ADCY8: variants seen among roughly 807,000 people sequenced by gnomAD.
ADCY8 encodes adenylate cyclase type 8.
A neutral mutation model predicts 119.7 loss-of-function variants in ADCY8; 51 were observed. The observed-to-expected ratio is 0.43, with a 90% confidence interval of 0.34 to 0.54. The LOEUF (loss-of-function observed/expected upper bound fraction) is 0.54, where lower values mean the gene tolerates loss of function less well. Among genes scored for constraint, ADCY8 ranks in the 20% least tolerant of loss-of-function variants. ADCY8 has a pLI of 0.03. For missense variants in ADCY8, 1,383 were observed against 1,598.8 expected, an observed-to-expected ratio of 0.87 and a Z score of 2.30; for synonymous variants, 665 against 651.0, an observed-to-expected ratio of 1.02 and a Z score of -0.33.
chr8:131,039,410 C>A lies in ADCY8; in HGVS notation c.924G>T (p.Val308=), dbSNP rs766665830. 9 of 1,613,986 alleles carry A rather than the reference C, an allele frequency of 5.6e-6. No homozygotes were observed. Among genetic ancestry groups the A allele is most frequent in the Non-Finnish European group, 6.8e-6 (8 of 1,180,016 alleles). The change falls in exon 1 of 18, where the codon GTG becomes GTT. Residue 308 remains valine (V), a synonymous_variant. Transcript: ENST00000286355. Reference sequence around the variant, plus strand: ...AAATGACCGCCAGCCGGGGTATGACCACTTGGAGGATGACCTGCAGCAGCG... The same window carrying A: ...AAATGACCGCCAGCCGGGGTATGACAACTTGGAGGATGACCTGCAGCAGCG... ...GTSLLQVILQ[V]VIPRLAVISI...
chr8:130,897,141 T>C (rs987489610), intron 7 of ADCY8, among the ~76,000 whole-genome samples: 5 of 152,020 alleles, frequency 3.3e-5, no homozygotes, highest in Non-Finnish European at 7.4e-5. Flanking sequence ...CTGCAGAGAT[T>C]TACTCAAAGA....
intron 5 of ADCY8, among the ~76,000 whole-genome samples, chr8:130,924,630 A>G (rs996339484): frequency 6.6e-6 from 1 of 152,052 alleles, no homozygotes; most frequent in Non-Finnish European, 1.5e-5. Context: ...ACTGGATGCA[A>G]TAGGGGTCCA....
At chr8:130,990,595 A>G in intron 1 of ADCY8, 53 bp from the exon 2 acceptor site, 1 of 1,587,570 alleles carries the variant, frequency 6.3e-7, no homozygotes, top group South Asian at 1.1e-5. Flanking sequence ...ATTTACAAGC[A>G]ACAATAAAAT....
At chr8:130,918,622 A>T (rs1157362022) in intron 5 of ADCY8, among the ~76,000 whole-genome samples, 1 of 152,178 alleles carries the variant, frequency 6.6e-6, no homozygotes, top group Non-Finnish European at 1.5e-5. Flanking sequence ...GTTGGATAAA[A>T]TTTTAGATGT....
At position 131,040,061 on chromosome 8, in the gene ADCY8, G is replaced by A; in HGVS notation, c.273C>T (p.Leu91=). The change falls in exon 1 of 18, where the codon CTC becomes CTT. Residue 91 remains leucine, a synonymous_variant. Transcript: ENST00000286355. Reference sequence around the variant, plus strand: ...CTCGCTCTCCCGGGCCCAGCGAGTAGAGGGGCAGCGCCGAGTCGCCTGACA... The same window carrying A: ...CTCGCTCTCCCGGGCCCAGCGAGTAAAGGGGCAGCGCCGAGTCGCCTGACA... ...PQLSGDSALP[L]YSLGPGERAH... is the part of the protein sequence containing the mutation. 6.5e-7 allele frequency: 1 copy of A among 1,543,910 alleles called. No homozygotes were observed. The highest frequency in any genetic ancestry group is 8.7e-7 in the Non-Finnish European group (1 of 1,150,080).
In ADCY8 at chr8:130,919,339, G is replaced by A. The variant is rs559061696; in HGVS notation, c.1482-9473C>T. ...CACACACACCACACACATGATGTAT[G>A]TTGTGATGGGCTATGGCCAGGCCAG... On this transcript the variant is annotated intron_variant, in intron 5 of 17. Coordinates refer to ENST00000286355, the MANE Select transcript of ADCY8 (RefSeq NM_001115.3). 1.5e-4 allele frequency among the ~76,000 whole-genome samples: 23 copies of A among 152,226 alleles called. No homozygotes were observed. In the South Asian group the frequency reaches 4.4e-3, roughly 29 times the overall value.
In ADCY8 at chr8:130,849,602, G is replaced by T; in HGVS notation, c.2412C>A (p.Ile804=). 1.9e-6 allele frequency: 3 copies of T among 1,613,852 alleles called. No homozygotes were observed. Among genetic ancestry groups the T allele is most frequent in the Non-Finnish European group, 2.5e-6 (3 of 1,179,794 alleles). ...GGGTTGGTGGATGTGGGATGCTTAC[G>T]ATATTTAAGATGGCACCCAGGAAAT... The part of the protein sequence containing the change: ...LINFLGAILN[I]LWCDFDKSIP... Residue 804 remains isoleucine, a splice_region_variant and synonymous_variant, in exon 10 of 18, where the codon ATC becomes ATA. Transcript: ENST00000286355.
chr8:130,960,359 T>G (rs770541600), intron 2 of ADCY8, among the ~76,000 whole-genome samples: 10 of 152,286 alleles, frequency 6.6e-5, no homozygotes, highest in South Asian at 6.2e-4. Context: ...CATCATTAAT[T>G]GACTTGAACA....
chr8:131,000,969 T>C (rs1232965466), intron 1 of ADCY8, among the ~76,000 whole-genome samples: 3 of 151,976 alleles, frequency 2.0e-5, no homozygotes, highest in African/African-American at 7.3e-5. Flanking sequence ...AAATGCATCG[T>C]AAAAAATAGT....
intron 1 of ADCY8, among the ~76,000 whole-genome samples, chr8:131,023,685 C>T (rs1187761028): frequency 6.6e-6 from 1 of 152,190 alleles, no homozygotes; most frequent in African/African-American, 2.4e-5. Flanking sequence ...GTTTTGCTGT[C>T]ATTTAATGGT....
chr8:130,858,016 C>A (rs748022161), intron 9 of ADCY8, among the ~76,000 whole-genome samples: 11 of 152,170 alleles, frequency 7.2e-5, no homozygotes, highest in Non-Finnish European at 1.5e-4. Flanking sequence ...ATTATTCCAT[C>A]TTTGGACAGT....
intron 3 of ADCY8, among the ~76,000 whole-genome samples, chr8:130,950,789 T>A (rs1821246422): frequency 6.6e-6 from 1 of 152,156 alleles, no homozygotes; most frequent in Non-Finnish European, 1.5e-5. Context: ...AACCTCCACC[T>A]CCCGGGTTCA....
At chr8:130,936,489 C>T (rs1370924630) in intron 5 of ADCY8, among the ~76,000 whole-genome samples, 3 of 152,126 alleles carry the variant, frequency 2.0e-5, no homozygotes, top group Non-Finnish European at 4.4e-5. Flanking sequence ...CTCTTTCCAC[C>T]CCAGGCTTCA....
At chr8:130,951,232 A>C (rs1821260149) in intron 3 of ADCY8, among the ~76,000 whole-genome samples, 1 of 152,252 alleles carries the variant, frequency 6.6e-6, no homozygotes, top group Non-Finnish European at 1.5e-5. Context: ...TCCCAAGATC[A>C]CAAACAAGGA....
chr8:130,930,864 A>G (rs1229278756), intron 5 of ADCY8, among the ~76,000 whole-genome samples: 1 of 152,012 alleles, frequency 6.6e-6, no homozygotes, highest in Non-Finnish European at 1.5e-5. Flanking sequence ...AAGTTTGAAA[A>G]GTTTTCTGCT....
chr8:130,902,152 A>G (rs1358292953), intron 7 of ADCY8, among the ~76,000 whole-genome samples: 1 of 152,192 alleles, frequency 6.6e-6, no homozygotes, highest in Non-Finnish European at 1.5e-5. Flanking sequence ...AGACAAAACA[A>G]AAACTAAAAC....
intron 2 of ADCY8, among the ~76,000 whole-genome samples, chr8:130,989,856 C>A (rs554686365): frequency 6.6e-6 from 1 of 152,124 alleles, no homozygotes; most frequent in Admixed American, 6.5e-5. Flanking sequence ...CACATTATTG[C>A]CCCCTGCAAT....
intron 1 of ADCY8, among the ~76,000 whole-genome samples, chr8:131,015,042 C>G (rs1431642755): frequency 6.6e-6 from 1 of 152,092 alleles, no homozygotes; most frequent in Non-Finnish European, 1.5e-5. Context: ...AGGTCTTACC[C>G]AGGGCACATG....
intron 1 of ADCY8, among the ~76,000 whole-genome samples, chr8:131,027,587 C>G (rs901969420): frequency 1.3e-5 from 2 of 152,178 alleles, no homozygotes; most frequent in African/African-American, 4.8e-5. Context: ...GAAGACTAAA[C>G]CATCAGAATT....
Sources: gnomAD v4.1 joint callset for allele counts (sites outside exome capture counted in the v4.1 genomes callset) on GRCh38, gnomAD v4.1.1 for gene constraint, MANE v1.5 for transcripts, NCBI Gene and HGNC (gene_info 2026-07-23, HGNC 2026-07-21) for gene names.